The following SERGEF variants were observed in gnomAD, a reference collection of about 807,000 sequenced individuals.
SERGEF encodes secretion-regulating guanine nucleotide exchange factor.
Under a neutral mutation model 50.0 loss-of-function variants are expected in SERGEF, and 51 were observed. The ratio of observed to expected loss-of-function variants is 1.02; its 90% CI spans 0.81 to 1.29. SERGEF has a LOEUF of 1.29. SERGEF is among the 50% of genes most tolerant of loss of function. The probability of loss-of-function intolerance (pLI) is 0.00; values close to 1 mark genes in which losing one functional copy is unlikely to be tolerated. For synonymous variants in SERGEF, 205 were observed against 212.4 expected, an observed-to-expected ratio of 0.97 and a Z score of 0.30; for missense variants, 521 against 557.0, an observed-to-expected ratio of 0.94 and a Z score of 0.65.
chr11:18,011,359 C>T (rs1178114141), intron 1 of SERGEF, among the ~76,000 whole-genome samples: 3 of 152,144 alleles, frequency 2.0e-5, no homozygotes, highest in Middle Eastern at 3.2e-3. Flanking sequence ...AGAGACACCA[C>T]GGATGCTCAC....
At chr11:17,957,458 C>A (rs1243707110) in intron 9 of SERGEF, among the ~76,000 whole-genome samples, 1 of 152,154 alleles carries the variant, frequency 6.6e-6, no homozygotes, top group African/African-American at 2.4e-5. Flanking sequence ...CACTACTATA[C>A]TACCTGACCA....
rs534552872 is a variant in SERGEF at position 17,834,340 on chromosome 11, T to C, written c.1048+43868A>G. 2.8e-4 allele frequency among the ~76,000 whole-genome samples: 43 copies of C among 152,312 alleles called. No individual in the cohort carries two copies. In the South Asian group the frequency reaches 8.1e-3, roughly 29 times the overall value. On this transcript the variant is annotated intron_variant, in intron 10 of 10. Coordinates refer to ENST00000265965, the MANE Select transcript of SERGEF (RefSeq NM_012139.4). ...TGAGGCTTCCTCAGTCACATGAAAC[T>C]GTTAAGTCCAACTAAACCTCCTTCT...
intron 9 of SERGEF, among the ~76,000 whole-genome samples, chr11:17,936,092 T>C (rs1317010005): frequency 2.0e-5 from 3 of 152,188 alleles, no homozygotes; most frequent in Non-Finnish European, 4.4e-5. Context: ...ATTCTTTTAA[T>C]AGCATCCAAA....
intron 10 of SERGEF, among the ~76,000 whole-genome samples, chr11:17,851,204 G>T (rs1002234956): frequency 6.6e-6 from 1 of 151,988 alleles, no homozygotes; most frequent in Non-Finnish European, 1.5e-5. Flanking sequence ...CTGTGAGACG[G>T]GTGCTATTAT....
intron 10 of SERGEF, among the ~76,000 whole-genome samples, chr11:17,794,708 G>A (rs953779120): frequency 1.3e-5 from 2 of 152,184 alleles, no homozygotes; most frequent in African/African-American, 4.8e-5. Flanking sequence ...GAGATGACGT[G>A]AACTGTGCAA....
intron 8 of SERGEF, among the ~76,000 whole-genome samples, chr11:17,974,895 GGA>G (rs1853335989): frequency 6.6e-6 from 1 of 152,190 alleles, no homozygotes; most frequent in African/African-American, 2.4e-5. Context: ...TGGGCTTAAT[GGA>G]GAGAAGTGGT....
intron 9 of SERGEF, among the ~76,000 whole-genome samples, chr11:17,907,244 T>C (rs1425385107): frequency 6.6e-6 from 1 of 151,562 alleles, no homozygotes; most frequent in African/African-American, 2.4e-5. Flanking sequence ...CTGGTCCCAG[T>C]TCTACTACTA....
At chr11:17,909,260 T>C (rs77787228) in intron 9 of SERGEF, among the ~76,000 whole-genome samples, 8,741 of 152,266 alleles carry the variant, frequency 0.057, 844 homozygotes, top group African/African-American at 0.2. Context: ...TAAAGAAACA[T>C]ATGAGACATA....
chr11:18,013,038 G>A lies in SERGEF; in HGVS notation c.-28C>T, dbSNP rs1854235940. The A allele has an allele frequency of 4.4e-6, 6 of 1,351,854 alleles. No individual in the cohort carries two copies. Among genetic ancestry groups the A allele is most frequent in the Non-Finnish European group, 5.6e-6 (6 of 1,062,026 alleles). The allele number at this position is 1,351,854 out of a possible 1,614,324, so 83.7% of individuals were successfully genotyped here. On this transcript the variant is annotated 5_prime_UTR_variant, in exon 1 of 11. Transcript: ENST00000265965. This position sits in a 1 kb window ranked among gnomAD's most constrained non-coding sequence, Gnocchi z 4.3. ...GAGGACGCTCCGCCGGCGCTTCCGG[G>A]AGGGACGGCACGGGGGCGGCGCCTG...
chr11:17,823,576 T>C (rs934547161), intron 10 of SERGEF, among the ~76,000 whole-genome samples: 3 of 151,930 alleles, frequency 2.0e-5, no homozygotes, highest in Non-Finnish European at 4.4e-5. Flanking sequence ...GGGGGCAAGG[T>C]ATTGGCAAAC....
At chr11:17,793,925 T>A (rs1590116743) in intron 10 of SERGEF, among the ~76,000 whole-genome samples, 1 of 152,244 alleles carries the variant, frequency 6.6e-6, no homozygotes, top group East Asian at 1.9e-4. Flanking sequence ...ACTGGCAGGG[T>A]CCCTGGCACA....
intron 10 of SERGEF, among the ~76,000 whole-genome samples, chr11:17,825,440 T>G (rs1245095987): frequency 1.3e-5 from 2 of 152,172 alleles, no homozygotes; most frequent in African/African-American, 4.8e-5. Flanking sequence ...TGGTTCTTGT[T>G]TTCTGAAAGG....
chr11:18,008,157 C>T, intron 1 of SERGEF, 81 bp from the exon 2 acceptor site: 1 of 1,409,586 alleles, frequency 7.1e-7, no homozygotes, highest in Non-Finnish European at 9.8e-7. Context: ...GTCTCTCTCA[C>T]CCTGACGTAT....
chr11:17,939,676 TG>T (rs1852525550), intron 9 of SERGEF: 1 of 152,206 alleles, frequency 6.6e-6, no homozygotes, highest in Admixed American at 6.5e-5. Context: ...GGGCAGCCCT[TG>T]GGGGAAAGGG....
At chr11:17,929,573 A>G (rs1361636203) in intron 9 of SERGEF, among the ~76,000 whole-genome samples, 1 of 152,182 alleles carries the variant, frequency 6.6e-6, no homozygotes, top group Non-Finnish European at 1.5e-5. Flanking sequence ...ATTGCCATTC[A>G]TTCATTGTTT....
chr11:17,990,871 A>G (rs1853700580), intron 7 of SERGEF, among the ~76,000 whole-genome samples: 2 of 152,038 alleles, frequency 1.3e-5, no homozygotes, highest in African/African-American at 4.8e-5. Context: ...GGTTCATGCA[A>G]TTCTCCTGCC....
intron 9 of SERGEF, among the ~76,000 whole-genome samples, chr11:17,882,949 C>T (rs1851362228): frequency 6.6e-6 from 1 of 152,188 alleles, no homozygotes. Context: ...CAAGTTCCAG[C>T]TTGCTGATTG....
chr11:17,831,238 C>A (rs77198245), intron 10 of SERGEF, among the ~76,000 whole-genome samples: 5 of 152,162 alleles, frequency 3.3e-5, no homozygotes, highest in Non-Finnish European at 7.3e-5. Context: ...TTTTAATATT[C>A]CCCAGGTGAT....
Position 18,012,965 on chromosome 11 carries a change from CG to C in SERGEF, c.45del (p.Ala16ArgfsTer27). ...PSASEAAPAA[A>X]ALFAWGANSY... ...GAGTCACGTACCCAGGCGAAGAGCGCGGCCGCCGCGGGGGCGGCCTCCGAGG... is the reference window on the plus strand; with the variant it reads ...GAGTCACGTACCCAGGCGAAGAGCGCGCCGCCGCGGGGGCGGCCTCCGAGG... On this transcript the variant is annotated frameshift_variant, in exon 1 of 11. Transcript: ENST00000265965. LOFTEE classifies it high-confidence loss of function. The C allele has an allele frequency of 1.4e-6, 2 of 1,477,846 alleles. No homozygotes were observed. The highest frequency in any genetic ancestry group is 1.8e-6 in the Non-Finnish European group (2 of 1,123,818). The allele number at this position is 1,477,846 out of a possible 1,614,324, so 91.5% of individuals were successfully genotyped here. A position where few individuals can be genotyped will look rare whatever the true frequency, so the allele number is the denominator to read the frequency against.
Sources: allele counts gnomAD v4.1 joint callset (sites outside exome capture counted in the v4.1 genomes callset), GRCh38; gene constraint gnomAD v4.1.1; non-coding constraint Gnocchi (gnomAD v3.1); transcripts MANE v1.5; gene names NCBI Gene and HGNC (gene_info 2026-07-23, HGNC 2026-07-21).